SDK1: variants seen among roughly 807,000 people sequenced by gnomAD.
SDK1 encodes the protein sidekick cell adhesion molecule 1, also known as protein sidekick-1.
Under a neutral mutation model 245.5 loss-of-function variants are expected in SDK1, and 157 were observed. The ratio of observed to expected loss-of-function variants is 0.64; its 90% CI spans 0.56 to 0.73. The LOEUF is 0.73. Ranked by LOEUF, SDK1 falls within the 30% of genes least tolerant of loss-of-function variation. The probability of loss-of-function intolerance (pLI) is 0.00; values close to 1 mark genes in which losing one functional copy is unlikely to be tolerated. For synonymous variants in SDK1, 1,647 were observed against 1,278.5 expected, an observed-to-expected ratio of 1.29 and a Z score of -6.15; for missense variants, 3,583 against 3,002.3, an observed-to-expected ratio of 1.19 and a Z score of -4.52.
intron 5 of SDK1, among the ~76,000 whole-genome samples, chr7:3,876,961 G>C (rs1313307663): frequency 6.6e-6 from 1 of 152,208 alleles, no homozygotes; most frequent in Non-Finnish European, 1.5e-5. Context: ...TTAAAGCAAA[G>C]ACTTTTATGC....
intron 1 of SDK1, among the ~76,000 whole-genome samples, chr7:3,602,488 C>G (rs981740355): frequency 8.5e-5 from 13 of 152,170 alleles, no homozygotes; most frequent in Admixed American, 2.0e-4. Flanking sequence ...TGAGACGTGT[C>G]TGTTCATATG....
intron 4 of SDK1, among the ~76,000 whole-genome samples, chr7:3,799,457 C>T (rs530161722): frequency 4.6e-5 from 7 of 151,788 alleles, no homozygotes; most frequent in Admixed American, 1.3e-4. Context: ...GTAATCCCAG[C>T]ACTTTGGGAG....
At position 4,110,684 on chromosome 7, in the gene SDK1, G is replaced by A; in HGVS notation, c.3346G>A (p.Glu1116Lys). 1 of 1,613,784 alleles carries A rather than the reference G, an allele frequency of 6.2e-7. No homozygotes were observed. The highest frequency in any genetic ancestry group is 8.5e-7 in the Non-Finnish European group (1 of 1,179,820). Residue 1116 changes from glutamate (E) to lysine (K), a missense_variant, in exon 23 of 45, where the codon GAG (glutamate) becomes AAG (lysine). Coordinates refer to ENST00000404826, the MANE Select transcript of SDK1 (RefSeq NM_152744.4). ...ACAGGTGGGAGCTATCGGCGACGAG[G>A]AGGAGTGGGTCACCCTCTATGAAGA... The part of the protein sequence containing the change: ...EGQVGAIGDE[E>K]EWVTLYEEEN...
intron 5 of SDK1, among the ~76,000 whole-genome samples, chr7:3,934,678 A>G (rs183139311): frequency 1.3e-5 from 2 of 152,362 alleles, no homozygotes; most frequent in African/African-American, 2.4e-5. Context: ...AGGAATTTGC[A>G]AGGAGTGGGG....
chr7:3,440,427 T>C (rs1044092522), intron 1 of SDK1, among the ~76,000 whole-genome samples: 1 of 151,798 alleles, frequency 6.6e-6, no homozygotes, highest in Non-Finnish European at 1.5e-5. Flanking sequence ...GATGTGTAGG[T>C]TTTCTGGAAA....
chr7:4,254,607 T>C (rs570640781), intron 44 of SDK1, among the ~76,000 whole-genome samples: 1 of 152,260 alleles, frequency 6.6e-6, no homozygotes, highest in Admixed American at 6.5e-5. Context: ...GTCCAATGTT[T>C]GGGCACCCTC....
intron 4 of SDK1, among the ~76,000 whole-genome samples, chr7:3,686,774 C>T (rs979998770): frequency 1.2e-4 from 18 of 152,160 alleles, no homozygotes; most frequent in East Asian, 3.9e-4. Context: ...CTGCAGGGGA[C>T]GAGGTCAGCT....
intron 17 of SDK1, among the ~76,000 whole-genome samples, chr7:4,041,439 C>T (rs2128162580): frequency 6.6e-6 from 1 of 152,226 alleles, no homozygotes; most frequent in Middle Eastern, 3.4e-3. Flanking sequence ...GAGCAGTGAA[C>T]CTACCTTGAT....
chr7:3,840,988 G>T (rs944021753), intron 5 of SDK1, among the ~76,000 whole-genome samples: 1 of 152,192 alleles, frequency 6.6e-6, no homozygotes. Context: ...GGCTGGGGAT[G>T]TGTTATTACC....
chr7:3,643,658 C>G (rs1450870702), intron 4 of SDK1: 1 of 137,300 alleles, frequency 7.3e-6, no homozygotes, highest in African/African-American at 2.8e-5. Flanking sequence ...TTCTCCCATC[C>G]CCACCTGAGC....
intron 5 of SDK1, among the ~76,000 whole-genome samples, chr7:3,861,013 C>T (rs1328520556): frequency 2.0e-5 from 3 of 152,138 alleles, no homozygotes; most frequent in African/African-American, 7.2e-5. Flanking sequence ...CTCAAGTAAA[C>T]TGTCTATATT....
rs1437137096 is a variant in SDK1 at position 3,951,787 on chromosome 7, C to T, written c.1017C>T (p.Gly339=). ...GGAATGGAGTGAGAATCACCAGTGG[C>T]CTCCACAGCTTTGGAAGACGCCTCA... The part of the protein sequence containing the change: ...WKRNGVRITS[G]LHSFGRRLTI... Residue 339 remains glycine, a synonymous_variant, in exon 7 of 45, where the codon GGC becomes GGT. Transcript: ENST00000404826. The T allele has an allele frequency of 4.3e-6, 7 of 1,613,686 alleles. No homozygotes were observed. Among genetic ancestry groups the T allele is most frequent in the Non-Finnish European group, 5.9e-6 (7 of 1,179,882 alleles).
At chr7:3,770,011 A>T (rs927408398) in intron 4 of SDK1, among the ~76,000 whole-genome samples, 5 of 151,608 alleles carry the variant, frequency 3.3e-5, no homozygotes, top group African/African-American at 1.2e-4. Flanking sequence ...AAGTTCACAT[A>T]TCCCTACTAC....
chr7:3,473,777 A>G (rs1781255679), intron 1 of SDK1, among the ~76,000 whole-genome samples: 1 of 152,170 alleles, frequency 6.6e-6, no homozygotes, highest in Non-Finnish European at 1.5e-5. Flanking sequence ...TAATATGTGT[A>G]ATAATGTTCA....
At chr7:3,699,062 C>T (rs893945336) in intron 4 of SDK1, among the ~76,000 whole-genome samples, 3 of 152,162 alleles carry the variant, frequency 2.0e-5, no homozygotes, top group Non-Finnish European at 2.9e-5. Context: ...CCAAGTGGGG[C>T]TCCTGGATGT....
At chr7:4,248,107 T>C (rs1226180220) in intron 44 of SDK1, among the ~76,000 whole-genome samples, 1 of 152,164 alleles carries the variant, frequency 6.6e-6, no homozygotes, top group African/African-American at 2.4e-5. Context: ...GGAAGATTAT[T>C]GAGCACACCC....
At chr7:3,634,602 T>TTTA (rs748214162) in intron 2 of SDK1, among the ~76,000 whole-genome samples, 14 of 152,210 alleles carry the variant, frequency 9.2e-5, no homozygotes, top group Non-Finnish European at 1.6e-4. Flanking sequence ...TTTATCATAC[T>TTTA]TTCTTATAAA....
At chr7:4,210,965 A>T (rs911515040) in intron 38 of SDK1, among the ~76,000 whole-genome samples, 4 of 152,176 alleles carry the variant, frequency 2.6e-5, no homozygotes, top group African/African-American at 9.7e-5. Flanking sequence ...CGAAGGGAGG[A>T]TCCGCCAATC....
intron 22 of SDK1, among the ~76,000 whole-genome samples, chr7:4,100,563 T>C (rs1347712229): frequency 6.6e-6 from 1 of 151,992 alleles, no homozygotes; most frequent in Non-Finnish European, 1.5e-5. Context: ...CCCTCACCAA[T>C]GCGATGAGTG....
Sources: gnomAD v4.1 joint callset for allele counts (sites outside exome capture counted in the v4.1 genomes callset) on GRCh38, gnomAD v4.1.1 for gene constraint, MANE v1.5 for transcripts, NCBI Gene and HGNC (gene_info 2026-07-23, HGNC 2026-07-21) for gene names.